YWHAG: variants seen among roughly 807,000 people sequenced by gnomAD.
YWHAG encodes 14-3-3 protein gamma.
YWHAG carries 1 observed loss-of-function variant against 23.3 expected under a neutral mutation model. The observed-to-expected ratio is 0.04, with a 90% CI of 0.02 to 0.20. The LOEUF (loss-of-function observed/expected upper bound fraction) is 0.20. Among genes scored for constraint, YWHAG ranks in the 10% least tolerant of loss-of-function variants. The probability of loss-of-function intolerance (pLI) is 1.00; values close to 1 mark genes in which losing one functional copy is unlikely to be tolerated. For synonymous variants in YWHAG, 160 were observed against 144.0 expected, an observed-to-expected ratio of 1.11 and a Z score of -0.80; for missense variants, 151 against 338.6, an observed-to-expected ratio of 0.45 and a Z score of 4.35.
chr7:76,350,969 TAATTA>T (rs1803863863), intron 1 of YWHAG, among the ~76,000 whole-genome samples: 1 of 152,028 alleles, frequency 6.6e-6, no homozygotes, highest in East Asian at 1.9e-4. Flanking sequence ...AGCAAAAAAA[TAATTA>T]AATTATGATA....
chr7:76,351,516 G>A (rs1355370704), intron 1 of YWHAG, among the ~76,000 whole-genome samples: 1 of 152,158 alleles, frequency 6.6e-6, no homozygotes, highest in African/African-American at 2.4e-5. Flanking sequence ...ACGGGTCCAT[G>A]GCCTGTCACG....
At position 76,329,384 on chromosome 7, in the gene YWHAG, A is replaced by G. The variant is rs900027929; in HGVS notation, c.*193T>C. On this transcript the variant is annotated 3_prime_UTR_variant, in exon 2 of 2. Transcript: ENST00000307630. This position sits in a 1 kb window ranked among gnomAD's most constrained non-coding sequence, Gnocchi z 6.1. ...GAGGCTGCTATTCCAATACCAGCACAGCTAGCCTGACTTTCCACTAGTGGT... is the reference window on the plus strand; with the variant it reads ...GAGGCTGCTATTCCAATACCAGCACGGCTAGCCTGACTTTCCACTAGTGGT... 1.5e-6 allele frequency: 1 copy of G among 665,156 alleles called. No individual in the cohort carries two copies. The allele number at this position is 665,156 out of a possible 1,614,324, so 41.2% of individuals were successfully genotyped here. A position where few individuals can be genotyped will look rare whatever the true frequency, so the allele number is the denominator to read the frequency against.
In YWHAG at chr7:76,329,982, G is replaced by A. The variant is rs748026712; in HGVS notation, c.339C>T (p.Ser113=). ...LLDNYLIKNC[S]ETQYESKVFY... is the part of the protein sequence containing the mutation. ...ACACTTTGCTCTCGTACTGGGTCTCGCTGCAATTCTTGATCAGGTAGTTAT... is the reference window on the plus strand; with the variant it reads ...ACACTTTGCTCTCGTACTGGGTCTCACTGCAATTCTTGATCAGGTAGTTAT... The change falls in exon 2 of 2, where the codon AGC becomes AGT. Residue 113 remains serine (S), a synonymous_variant. Transcript: ENST00000307630. The surrounding 1 kb of genome is among the most constrained non-coding windows in gnomAD (Gnocchi z 6.1). 5.0e-6 allele frequency: 8 copies of A among 1,614,104 alleles called. No individual in the cohort carries two copies. Among genetic ancestry groups the A allele is most frequent in the South Asian group, 1.1e-5 (1 of 91,070 alleles).
In YWHAG at chr7:76,329,772, G is replaced by A. The variant is rs781630555; in HGVS notation, c.549C>T (p.Tyr183=). Residue 183 remains tyrosine (Y), a synonymous_variant, in exon 2 of 2, where the codon TAC becomes TAT. Transcript: ENST00000307630. This position sits in a 1 kb window ranked among gnomAD's most constrained non-coding sequence, Gnocchi z 6.1. ...GCTCTGGGGCGTTCTGGATCTCATAGTAGAAGACGGAGTAGTTAAGAGCCA... is the reference window on the plus strand; with the variant it reads ...GCTCTGGGGCGTTCTGGATCTCATAATAGAAGACGGAGTAGTTAAGAGCCA... ...LGLALNYSVF[Y]YEIQNAPEQA... 7.4e-6 allele frequency: 12 copies of A among 1,614,096 alleles called. No homozygotes were observed. Among genetic ancestry groups the A allele is most frequent in the Non-Finnish European group, 9.3e-6 (11 of 1,180,014 alleles).
intron 1 of YWHAG, among the ~76,000 whole-genome samples, chr7:76,337,371 C>G (rs1020734895): frequency 1.3e-5 from 2 of 152,086 alleles, no homozygotes; most frequent in African/African-American, 4.8e-5. Context: ...GTGACCAGCC[C>G]CCAGCTGCTC....
At chr7:76,347,779 T>C (rs1208898930) in intron 1 of YWHAG, among the ~76,000 whole-genome samples, 5 of 152,244 alleles carry the variant, frequency 3.3e-5, no homozygotes, top group Non-Finnish European at 7.3e-5. Context: ...GGTTTTCTCT[T>C]CCTCCCAGAT....
intron 1 of YWHAG, among the ~76,000 whole-genome samples, chr7:76,354,852 G>C (rs1803927452): frequency 6.6e-6 from 1 of 152,190 alleles, no homozygotes. Flanking sequence ...CAGATTTCAA[G>C]TAAATTGTTC....
At chr7:76,339,329 G>C (rs1200245309) in intron 1 of YWHAG, among the ~76,000 whole-genome samples, 4 of 152,086 alleles carry the variant, frequency 2.6e-5, no homozygotes, top group Non-Finnish European at 5.9e-5. Context: ...AATTAGCTGG[G>C]CATGGTGACG....
intron 1 of YWHAG, among the ~76,000 whole-genome samples, chr7:76,348,265 GTTTTT>G (rs201085040): frequency 1.6e-5 from 2 of 127,376 alleles, no homozygotes; most frequent in African/African-American, 3.0e-5. Context: ...CTTAGACTTC[GTTTTT>G]TTTTTTTTTT....
At chr7:76,336,418 C>T (rs193284899) in intron 1 of YWHAG, among the ~76,000 whole-genome samples, 92 of 148,980 alleles carry the variant, frequency 6.2e-4, no homozygotes, top group Non-Finnish European at 1.2e-3. Context: ...TTAAATTTTA[C>T]TGTGAATCCA....
In YWHAG at chr7:76,341,042, C is replaced by T. The variant is rs887541922; in HGVS notation, c.88-10809G>A. Among the ~76,000 whole-genome samples the T allele has an allele frequency of 2.6e-5, 4 of 152,044 alleles. No homozygotes were observed. In the East Asian group the frequency reaches 5.8e-4, roughly 22 times the overall value. On this transcript the variant is annotated intron_variant, in intron 1 of 1. Coordinates refer to ENST00000307630, the MANE Select transcript of YWHAG (RefSeq NM_012479.4). ...GCATGTGCCACCAAAGTGATCCTCC[C>T]GCCCCTCCCCAGCCCCCTAAAGTGC...
chr7:76,341,404 C>CA (rs1158151013), intron 1 of YWHAG, among the ~76,000 whole-genome samples: 14,540 of 44,532 alleles, frequency 0.33, 4,208 homozygotes, highest in South Asian at 0.4. Flanking sequence ...ACTCTTGCCT[C>CA]AAAAAAAAAA....
Position 76,330,004 on chromosome 7 carries a change from T to C in YWHAG, c.317A>G (p.Asn106Ser), listed in dbSNP as rs773103074. The C allele has an allele frequency of 4.3e-6, 7 of 1,614,184 alleles. No individual in the cohort carries two copies. The highest frequency in any genetic ancestry group is 1.3e-5 in the African/African-American group (1 of 75,042). ...CTCGCTGCAATTCTTGATCAGGTAG[T>C]TATCCAGCAGGCTCAGCACATCCTG... ...VCQDVLSLLDNYLIKNCSETQ... is the reference protein window; with the variant it reads ...VCQDVLSLLDSYLIKNCSETQ... Residue 106 changes from asparagine to serine, a missense_variant, in exon 2 of 2, where the codon AAC (asparagine) becomes AGC (serine). By Grantham distance (46) the Asn-to-Ser change is conservative. Coordinates refer to ENST00000307630, the MANE Select transcript of YWHAG (RefSeq NM_012479.4).
chr7:76,356,385 C>T (rs1803957895), intron 1 of YWHAG, among the ~76,000 whole-genome samples: 1 of 152,090 alleles, frequency 6.6e-6, no homozygotes, highest in Non-Finnish European at 1.5e-5. Flanking sequence ...ATTTTACAAA[C>T]TGTTCTTTCC....
intron 1 of YWHAG, among the ~76,000 whole-genome samples, chr7:76,339,639 T>C (rs950717749): frequency 2.0e-5 from 3 of 152,080 alleles, no homozygotes; most frequent in Non-Finnish European, 4.4e-5. Context: ...TAAATGTGAA[T>C]TTTCCTCCAC....
At chr7:76,343,388 C>T (rs1265910651) in intron 1 of YWHAG, among the ~76,000 whole-genome samples, 1 of 152,094 alleles carries the variant, frequency 6.6e-6, no homozygotes, top group Non-Finnish European at 1.5e-5. Flanking sequence ...CTCTTCCCAT[C>T]ACACCTCTCT....
At position 76,329,490 on chromosome 7, in the gene YWHAG, C is replaced by CCA; in HGVS notation, c.*86_*87insTG. On this transcript the variant is annotated 3_prime_UTR_variant, in exon 2 of 2. Coordinates refer to ENST00000307630, the MANE Select transcript of YWHAG (RefSeq NM_012479.4). The surrounding 1 kb of genome is among the most constrained non-coding windows in gnomAD (Gnocchi z 6.1). ...CCCTGGGAAGGTCATCCCTCCCTTT[C>CCA]CCTCCCCCACCCGACCCCCAACTCA... 2.4e-5 allele frequency: 10 copies of CCA among 414,980 alleles called. No individual in the cohort carries two copies. The East Asian group carries it at 2.5e-4, about 10-fold the overall frequency. 25.7% of individuals were successfully genotyped at this position (414,980 alleles called of 1,614,324 possible). A position where few individuals can be genotyped will look rare whatever the true frequency, so the allele number is the denominator to read the frequency against.
Position 76,328,081 on chromosome 7 carries a change from T to C in YWHAG, c.*1496A>G, listed in dbSNP as rs1367631094. 6.6e-6 allele frequency: 1 copy of C among 152,102 alleles called. No individual in the cohort carries two copies. Among genetic ancestry groups the C allele is most frequent in the Non-Finnish European group, 1.5e-5 (1 of 68,020 alleles). The allele number at this position is 152,102 out of a possible 1,614,324, so 9.4% of individuals were successfully genotyped here. Reference sequence around the variant, plus strand: ...ACACGTCTCGGGAGTTCCTCGTCACTGACTTTATATATATAAAAAAAAGAA... The same window carrying C: ...ACACGTCTCGGGAGTTCCTCGTCACCGACTTTATATATATAAAAAAAAGAA... On this transcript the variant is annotated 3_prime_UTR_variant, in exon 2 of 2. Coordinates refer to ENST00000307630, the MANE Select transcript of YWHAG (RefSeq NM_012479.4).
intron 1 of YWHAG, among the ~76,000 whole-genome samples, chr7:76,334,243 G>A (rs1246109551): frequency 6.6e-6 from 1 of 152,242 alleles, no homozygotes; most frequent in East Asian, 1.9e-4. Flanking sequence ...ATTAAAATAA[G>A]AGATCCCCAC....
Sources: gnomAD v4.1 joint callset for allele counts (sites outside exome capture counted in the v4.1 genomes callset) on GRCh38, gnomAD v4.1.1 for gene constraint, Gnocchi (gnomAD v3.1) non-coding constraint, MANE v1.5 for transcripts, NCBI Gene and HGNC (gene_info 2026-07-23, HGNC 2026-07-21) for gene names.